Variants in NKAIN2 observed in about 807,000 individuals in gnomAD.
The protein encoded by NKAIN2 is sodium/potassium-transporting ATPase subunit beta-1-interacting protein 2.
A neutral mutation model predicts 32.6 loss-of-function variants in NKAIN2; 14 were observed. The observed-to-expected ratio is 0.43, with a 90% CI of 0.28 to 0.67. NKAIN2 has a LOEUF of 0.67. Among genes scored for constraint, NKAIN2 ranks in the 30% least tolerant of loss-of-function variants. The pLI, the probability that NKAIN2 is intolerant of heterozygous loss-of-function variation, is 0.17. For synonymous variants in NKAIN2, 80 were observed against 87.2 expected (o/e 0.92, Z 0.46); for missense variants, 198 against 258.3 (o/e 0.77, Z 1.60).
intron 3 of NKAIN2, among the ~76,000 whole-genome samples, chr6:124,382,667 A>G (rs1006571729): frequency 1.3e-5 from 2 of 152,160 alleles, no homozygotes; most frequent in African/African-American, 4.8e-5. Flanking sequence ...GCAGAAGAAA[A>G]CAGTACCCCA....
intron 1 of NKAIN2, among the ~76,000 whole-genome samples, chr6:124,095,419 G>T (rs1282614835): frequency 6.6e-6 from 1 of 152,054 alleles, no homozygotes; most frequent in Non-Finnish European, 1.5e-5. Context: ...AAAATTTTGT[G>T]CATTACGTAC....
intron 4 of NKAIN2, among the ~76,000 whole-genome samples, chr6:124,660,779 T>C (rs907668147): frequency 5.9e-5 from 9 of 152,216 alleles, no homozygotes; most frequent in Admixed American, 5.9e-4. Flanking sequence ...CTTTTGAGCT[T>C]GCTCTTATCT....
intron 1 of NKAIN2, among the ~76,000 whole-genome samples, chr6:124,069,739 G>A (rs1363584158): frequency 1.3e-5 from 2 of 152,150 alleles, no homozygotes; most frequent in African/African-American, 2.4e-5. Context: ...TACTCTTTGA[G>A]TCCTGCTAGC....
intron 3 of NKAIN2, among the ~76,000 whole-genome samples, chr6:124,568,331 T>G (rs1210386889): frequency 1.3e-5 from 2 of 152,180 alleles, no homozygotes; most frequent in African/African-American, 4.8e-5. Flanking sequence ...ATTTAACAAA[T>G]GAAGGGAGGA....
At chr6:124,742,304 C>G (rs1229531270) in intron 4 of NKAIN2, among the ~76,000 whole-genome samples, 2 of 151,768 alleles carry the variant, frequency 1.3e-5, no homozygotes, top group African/African-American at 4.8e-5. Flanking sequence ...ATCATCCAAG[C>G]CATTGAGGGC....
At chr6:124,089,489 A>G (rs1414905105) in intron 1 of NKAIN2, among the ~76,000 whole-genome samples, 1 of 151,954 alleles carries the variant, frequency 6.6e-6, no homozygotes, top group Admixed American at 6.6e-5. Flanking sequence ...ATGATCTGCC[A>G]TATTGAAACA....
At position 123,923,692 on chromosome 6, in the gene NKAIN2, CA is replaced by C. The variant is rs1266244730; in HGVS notation, c.54+119444del. ...TATTCTCAGTAAACTATCGCAAGAACAAAAAACCAAACACCGCATATTCTCA... is the reference window on the plus strand; with the variant it reads ...TATTCTCAGTAAACTATCGCAAGAACAAAAACCAAACACCGCATATTCTCA... On this transcript the variant is annotated intron_variant, in intron 1 of 6. Coordinates refer to ENST00000368417, the MANE Select transcript of NKAIN2 (RefSeq NM_001040214.3). 2.8e-4 allele frequency among the ~76,000 whole-genome samples: 42 copies of C among 147,880 alleles called. No individual in the cohort carries two copies. In the Admixed American group the frequency reaches 2.8e-3, roughly 10 times the overall value.
chr6:124,404,126 T>C (rs1773743032), intron 3 of NKAIN2, among the ~76,000 whole-genome samples: 1 of 152,140 alleles, frequency 6.6e-6, no homozygotes, highest in African/African-American at 2.4e-5. Context: ...TTAGGATAAT[T>C]TTTATCATCC....
chr6:124,554,728 G>A (rs980052687), intron 3 of NKAIN2, among the ~76,000 whole-genome samples: 16 of 152,172 alleles, frequency 1.1e-4, no homozygotes, highest in Non-Finnish European at 1.5e-5. Context: ...TACAACTTTT[G>A]TCATTTCAAA....
chr6:123,920,410 A>G (rs1417532049), intron 1 of NKAIN2, among the ~76,000 whole-genome samples: 2 of 152,112 alleles, frequency 1.3e-5, no homozygotes, highest in African/African-American at 4.8e-5. Flanking sequence ...TGCTATTTGT[A>G]TGTGGCAATA....
At chr6:124,264,227 G>A (rs1414296616) in intron 1 of NKAIN2, among the ~76,000 whole-genome samples, 1 of 152,136 alleles carries the variant, frequency 6.6e-6, no homozygotes, top group African/African-American at 2.4e-5. Context: ...GTAGTATTTT[G>A]TTTAAACTCT....
chr6:123,831,966 G>T (rs1562206670), intron 1 of NKAIN2, among the ~76,000 whole-genome samples: 1 of 152,114 alleles, frequency 6.6e-6, no homozygotes, highest in Non-Finnish European at 1.5e-5. Context: ...TAGTTGTTGA[G>T]CCTGTATTGA....
chr6:123,879,271 G>A (rs1773333018), intron 1 of NKAIN2, among the ~76,000 whole-genome samples: 1 of 152,138 alleles, frequency 6.6e-6, no homozygotes, highest in Non-Finnish European at 1.5e-5. Flanking sequence ...CTTCATGTCT[G>A]CTGCTCAGAT....
At chr6:124,296,321 A>T (rs192337498) in intron 2 of NKAIN2, among the ~76,000 whole-genome samples, 4 of 152,142 alleles carry the variant, frequency 2.6e-5, no homozygotes, top group Non-Finnish European at 5.9e-5. Context: ...AGAGGAAAAA[A>T]TTCTCAGTTA....
At chr6:124,772,362 G>A (rs1012641660) in intron 4 of NKAIN2, among the ~76,000 whole-genome samples, 1 of 152,146 alleles carries the variant, frequency 6.6e-6, no homozygotes, top group Non-Finnish European at 1.5e-5. Flanking sequence ...GAGAGCAAGA[G>A]ACGAGGGCCA....
At chr6:124,667,839 G>C (rs1333001918) in intron 4 of NKAIN2, among the ~76,000 whole-genome samples, 2 of 152,034 alleles carry the variant, frequency 1.3e-5, no homozygotes, top group Non-Finnish European at 2.9e-5. Context: ...ACACACTTAA[G>C]CTAAATAATT....
chr6:124,585,324 G>A (rs1781674621), intron 3 of NKAIN2, among the ~76,000 whole-genome samples: 2 of 152,194 alleles, frequency 1.3e-5, no homozygotes, highest in South Asian at 4.1e-4. Flanking sequence ...GGTAGCTGGG[G>A]GGAGAGGGTT....
chr6:124,076,976 C>G (rs541314581), intron 1 of NKAIN2, among the ~76,000 whole-genome samples: 79 of 152,244 alleles, frequency 5.2e-4, no homozygotes, highest in Middle Eastern at 3.4e-3. Flanking sequence ...GAAGTAGATG[C>G]TGAATAGGCA....
In NKAIN2 at chr6:124,709,270, T is replaced by A. The variant is rs967086139; in HGVS notation, c.474+50884T>A. ...ATTTTATTGAGGATTTTTGCATCAA[T>A]GTTCATCAAGGATATTGGTCTAAAA... On this transcript the variant is annotated intron_variant, in intron 4 of 6. Coordinates refer to ENST00000368417, the MANE Select transcript of NKAIN2 (RefSeq NM_001040214.3). Among the ~76,000 whole-genome samples the A allele has an allele frequency of 2.6e-4, 39 of 149,322 alleles. No individual in the cohort carries two copies. In the South Asian group the frequency reaches 5.0e-3, roughly 19 times the overall value.
Sources: gnomAD v4.1 joint callset for allele counts (sites outside exome capture counted in the v4.1 genomes callset) on GRCh38, gnomAD v4.1.1 for gene constraint, MANE v1.5 for transcripts, NCBI Gene and HGNC (gene_info 2026-07-23, HGNC 2026-07-21) for gene names.